Variants in SLC9B1 observed in about 807,000 individuals in gnomAD.
The protein encoded by SLC9B1 is sodium/hydrogen exchanger 9B1.
A neutral mutation model predicts 51.7 loss-of-function variants in SLC9B1; 32 were observed. The ratio of observed to expected loss-of-function variants is 0.62; its 90% CI spans 0.47 to 0.83. The LOEUF (loss-of-function observed/expected upper bound fraction) is 0.83. SLC9B1 is among the 40% of genes least tolerant of loss of function. The pLI is 0.00. For synonymous variants in SLC9B1, 145 were observed against 212.7 expected, an observed-to-expected ratio of 0.68 and a Z score of 2.77; for missense variants, 406 against 613.2, an observed-to-expected ratio of 0.66 and a Z score of 3.57.
At chr4:102,993,765 G>A (rs963947220) in intron 1 of SLC9B1, among the ~76,000 whole-genome samples, 2 of 152,194 alleles carry the variant, frequency 1.3e-5, no homozygotes, top group Non-Finnish European at 2.9e-5. Context: ...TGAAATCTAG[G>A]TGGAGGTTCC....
chr4:102,903,374 C>T (rs1212367466), intron 11 of SLC9B1, among the ~76,000 whole-genome samples: 2 of 152,086 alleles, frequency 1.3e-5, no homozygotes, highest in African/African-American at 4.8e-5. Flanking sequence ...TAATTGAGCA[C>T]CACCATATGC....
At chr4:102,885,606 A>C (rs957979457) in intron 11 of SLC9B1, among the ~76,000 whole-genome samples, 4 of 152,358 alleles carry the variant, frequency 2.6e-5, no homozygotes, top group Admixed American at 2.6e-4. Context: ...CCTACATTAG[A>C]AAAGTTGGAG....
chr4:102,947,966 A>AGTGATGGTGGTTATAGTG (rs1553982836), intron 4 of SLC9B1, among the ~76,000 whole-genome samples: 7 of 150,962 alleles, frequency 4.6e-5, no homozygotes, highest in African/African-American at 1.7e-4. Context: ...TGAATCCATG[A>AGTGATGGTGGTTATAGTG]GTGATGGTGG....
chr4:103,015,932 A>C (rs539590194), intron 1 of SLC9B1, among the ~76,000 whole-genome samples: 1 of 151,860 alleles, frequency 6.6e-6, no homozygotes, highest in Non-Finnish European at 1.5e-5. Context: ...GGAGTTCAAG[A>C]CCAGCCTGGC....
chr4:102,968,759 G>A (rs954899519), intron 3 of SLC9B1, among the ~76,000 whole-genome samples: 16 of 152,214 alleles, frequency 1.1e-4, no homozygotes, highest in South Asian at 2.1e-4. Flanking sequence ...ACAAGGGGTC[G>A]GGGGATTTCC....
At chr4:102,921,451 A>C (rs1463095061) in intron 7 of SLC9B1, among the ~76,000 whole-genome samples, 1 of 152,250 alleles carries the variant, frequency 6.6e-6, no homozygotes, top group Non-Finnish European at 1.5e-5. Context: ...CAGCCAGGGC[A>C]AAAACAGGCC....
At chr4:102,988,063 A>C (rs1413390772) in intron 3 of SLC9B1, among the ~76,000 whole-genome samples, 1 of 152,190 alleles carries the variant, frequency 6.6e-6, no homozygotes, top group African/African-American at 2.4e-5. Context: ...TAACTTCATA[A>C]AACTGATAAT....
At chr4:102,980,731 A>G (rs992155956) in intron 3 of SLC9B1, among the ~76,000 whole-genome samples, 8 of 152,100 alleles carry the variant, frequency 5.3e-5, no homozygotes, top group African/African-American at 1.7e-4. Flanking sequence ...GTACCCTGGA[A>G]CTTAAAATAA....
At chr4:102,954,064 A>T (rs1291409143) in intron 3 of SLC9B1, among the ~76,000 whole-genome samples, 1 of 45,642 alleles carries the variant, frequency 2.2e-5, no homozygotes, top group African/African-American at 1.6e-4. Flanking sequence ...TTCAAAGGGA[A>T]TGCTTCCAGT....
intron 6 of SLC9B1, among the ~76,000 whole-genome samples, chr4:102,934,757 C>G (rs1223632668): frequency 9.1e-6 from 1 of 110,054 alleles, no homozygotes; most frequent in Non-Finnish European, 1.7e-5. Context: ...CAGGAAGACT[C>G]TGTCACAAAA....
chr4:102,991,261 A>G (rs1739926012), intron 2 of SLC9B1, among the ~76,000 whole-genome samples: 1 of 152,076 alleles, frequency 6.6e-6, no homozygotes, highest in Admixed American at 6.5e-5. Flanking sequence ...GACTTGCTCT[A>G]TATATCTATA....
chr4:102,900,963 G>A lies in SLC9B1; in HGVS notation c.*154C>T, dbSNP rs1473381057. The A allele has an allele frequency of 8.4e-6, 12 of 1,421,658 alleles. No homozygotes were observed. The highest frequency in any genetic ancestry group is 8.3e-6 in the Non-Finnish European group (9 of 1,085,480). The allele number at this position is 1,421,658 out of a possible 1,614,324, so 88.1% of individuals were successfully genotyped here. A position where few individuals can be genotyped will look rare whatever the true frequency, so the allele number is the denominator to read the frequency against. On this transcript the variant is annotated 3_prime_UTR_variant, in exon 12 of 12. Coordinates refer to ENST00000296422, the MANE Select transcript of SLC9B1 (RefSeq NM_139173.4). The stretch of plus-strand genomic sequence containing the variant: ...TATTATTTTTATTAAATTAACTTTG[G>A]AGTAAAAAGTCCAAGAAAAGCCCTG...
chr4:102,967,397 T>TA (rs1467044698), intron 3 of SLC9B1, among the ~76,000 whole-genome samples: 1 of 152,242 alleles, frequency 6.6e-6, no homozygotes, highest in African/African-American at 2.4e-5. Context: ...TTTGTGTTGC[T>TA]ATAACAGAAT....
intron 2 of SLC9B1, 111 bp from the exon 3 acceptor site, chr4:102,990,052 G>C: frequency 1.2e-6 from 1 of 845,682 alleles, no homozygotes; most frequent in Non-Finnish European, 1.8e-6. Flanking sequence ...GTCAATGCGA[G>C]GAATCACAGA....
intron 3 of SLC9B1, 51 bp from the exon 4 acceptor site, chr4:102,949,478 T>C (rs766764267): frequency 1.4e-6 from 2 of 1,381,228 alleles, no homozygotes; most frequent in African/African-American, 1.5e-5. Context: ...CATAGATGTA[T>C]ACAAACAAAG....
At chr4:102,934,795 A>G (rs1736638547) in intron 6 of SLC9B1, among the ~76,000 whole-genome samples, 1 of 151,676 alleles carries the variant, frequency 6.6e-6, no homozygotes, top group Non-Finnish European at 1.5e-5. Context: ...GTAGAATAAT[A>G]TATTTGTGAT....
At chr4:102,885,056 G>T in exon 12 of SLC9B1, 2 of 645,686 alleles carry the variant, frequency 3.1e-6, no homozygotes, top group South Asian at 3.4e-5. Context: ...GTCTTTGGTA[G>T]AGCTGGCTTT....
intron 3 of SLC9B1, among the ~76,000 whole-genome samples, chr4:102,956,165 A>G (rs1737803551): frequency 6.6e-6 from 1 of 152,150 alleles, no homozygotes; most frequent in Non-Finnish European, 1.5e-5. Context: ...CATGCTGGGG[A>G]AGAGAAACAC....
intron 7 of SLC9B1, among the ~76,000 whole-genome samples, chr4:102,916,886 G>T (rs752591804): frequency 3.9e-5 from 6 of 152,234 alleles, no homozygotes; most frequent in Non-Finnish European, 8.8e-5. Flanking sequence ...ATGCTTAGAT[G>T]CCTGATGAAG....
Sources: allele counts gnomAD v4.1 joint callset (sites outside exome capture counted in the v4.1 genomes callset), GRCh38; gene constraint gnomAD v4.1.1; transcripts MANE v1.5; gene names NCBI Gene and HGNC (gene_info 2026-07-23, HGNC 2026-07-21).